The following DAAM1 variants were observed in gnomAD, a reference collection of about 807,000 sequenced individuals.
DAAM1 encodes the protein disheveled-associated activator of morphogenesis 1.
A neutral mutation model predicts 130.0 loss-of-function variants in DAAM1; 52 were observed. The observed-to-expected ratio is 0.40, with a 90% confidence interval of 0.32 to 0.50. The LOEUF (loss-of-function observed/expected upper bound fraction) is 0.50, where lower values mean the gene tolerates loss of function less well. Ranked by LOEUF, DAAM1 falls within the 20% of genes least tolerant of loss-of-function variation. The pLI is 0.61. For missense variants in DAAM1, 1,134 were observed against 1,303.8 expected (o/e 0.87, Z 2.01); for synonymous variants, 452 against 444.5 (o/e 1.02, Z -0.21).
At chr14:59,287,023 G>A (rs7154756) in intron 2 of DAAM1, among the ~76,000 whole-genome samples, 5,226 of 152,214 alleles carry the variant, frequency 0.034, 273 homozygotes, top group African/African-American at 0.12. Context: ...GAAGGTAGAT[G>A]CAAGAATCCT....
intron 18 of DAAM1, among the ~76,000 whole-genome samples, chr14:59,353,249 A>G (rs192916254): frequency 6.6e-5 from 10 of 152,284 alleles, no homozygotes; most frequent in African/African-American, 1.9e-4. Context: ...TAGAAAATTG[A>G]TTCCTCATTA....
intron 4 of DAAM1, among the ~76,000 whole-genome samples, chr14:59,319,476 A>C (rs534558727): frequency 1.3e-5 from 2 of 152,198 alleles, no homozygotes; most frequent in Non-Finnish European, 2.9e-5. Flanking sequence ...ATATGAGTCA[A>C]GCTTTTCTTT....
At chr14:59,233,673 C>T (rs1432731717) in intron 1 of DAAM1, among the ~76,000 whole-genome samples, 1 of 152,156 alleles carries the variant, frequency 6.6e-6, no homozygotes, top group African/African-American at 2.4e-5. Flanking sequence ...GCTTTTGTTG[C>T]AATTGCTTTT....
At chr14:59,292,257 A>G (rs539413402) in intron 3 of DAAM1, among the ~76,000 whole-genome samples, 1 of 152,320 alleles carries the variant, frequency 6.6e-6, no homozygotes, top group East Asian at 1.9e-4. Context: ...CTCTCGACCC[A>G]GGGAAACAGG....
chr14:59,255,384 C>T (rs778873829), intron 1 of DAAM1, among the ~76,000 whole-genome samples: 1 of 152,064 alleles, frequency 6.6e-6, no homozygotes, highest in African/African-American at 2.4e-5. Flanking sequence ...GACTATATCC[C>T]GTGATTTTTT....
intron 1 of DAAM1, among the ~76,000 whole-genome samples, chr14:59,253,744 G>T (rs112637201): frequency 1.1e-3 from 160 of 152,280 alleles, no homozygotes; most frequent in African/African-American, 3.8e-3. Flanking sequence ...GTTTGGGGCT[G>T]TGAGGGCTGG....
chr14:59,325,756 T>C, intron 9 of DAAM1, 26 bp downstream of exon 9: 1 of 1,611,238 alleles, frequency 6.2e-7, no homozygotes, highest in Admixed American at 1.7e-5. Flanking sequence ...ATTATTCTGG[T>C]TTGATTCATC....
intron 2 of DAAM1, among the ~76,000 whole-genome samples, chr14:59,286,717 C>T (rs1342614234): frequency 6.6e-6 from 1 of 152,052 alleles, no homozygotes; most frequent in Non-Finnish European, 1.5e-5. Flanking sequence ...CACAGCCTCC[C>T]AAGTTTGAAC....
At chr14:59,190,577 C>CTTTAGATT (rs1887702490) in intron 1 of DAAM1, among the ~76,000 whole-genome samples, 1 of 152,132 alleles carries the variant, frequency 6.6e-6, no homozygotes, top group South Asian at 2.1e-4. Context: ...TAAAGCCAGG[C>CTTTAGATT]TAGAGGGCGC....
rs763996595 is a variant in DAAM1, at chr14:59,355,328, C to T, written c.2520C>T (p.Ile840=). 2.0e-5 allele frequency: 32 copies of T among 1,613,782 alleles called. No homozygotes were observed. Among genetic ancestry groups the T allele is most frequent in the South Asian group, 4.4e-5 (4 of 91,030 alleles). ...LNKIADTKSS[I]DKNITLLHYL... is the part of the protein sequence containing the mutation. Reference sequence around the variant, plus strand: ...AAATTGCTGACACAAAATCCAGCATCGACAAGTAAGTATGAGATCTTCCAA... The same window carrying T: ...AAATTGCTGACACAAAATCCAGCATTGACAAGTAAGTATGAGATCTTCCAA... The change falls in exon 20 of 25, where the codon ATC becomes ATT. Residue 840 remains isoleucine (I), a synonymous_variant. Transcript: ENST00000360909.
chr14:59,338,514 T>C, intron 15 of DAAM1: 1 of 1,374,380 alleles, frequency 7.3e-7, no homozygotes, highest in Non-Finnish European at 1.0e-6. Flanking sequence ...TGTTTTTGTT[T>C]TTTTACATAG....
intron 1 of DAAM1, among the ~76,000 whole-genome samples, chr14:59,228,384 T>C (rs762172172): frequency 5.3e-5 from 8 of 152,204 alleles, no homozygotes; most frequent in Admixed American, 1.3e-4. Context: ...TGCCCAGTAT[T>C]GTGTCTCCCT....
At chr14:59,311,276 A>G (rs1232915350) in intron 3 of DAAM1, among the ~76,000 whole-genome samples, 1 of 152,214 alleles carries the variant, frequency 6.6e-6, no homozygotes, top group African/African-American at 2.4e-5. Context: ...TATTGACATT[A>G]TGGTGAGTTT....
chr14:59,315,413 C>T, intron 4 of DAAM1, 62 bp downstream of exon 4: 1 of 1,483,408 alleles, frequency 6.7e-7, no homozygotes, highest in South Asian at 1.2e-5. Context: ...ACAAAGTACA[C>T]AGTTGCACAA....
At chr14:59,275,604 A>G (rs970194673) in intron 2 of DAAM1, among the ~76,000 whole-genome samples, 27 of 152,212 alleles carry the variant, frequency 1.8e-4, no homozygotes, top group African/African-American at 5.8e-4. Flanking sequence ...TAAAACTTGA[A>G]GTCACTCTAA....
rs773053010 is a variant in DAAM1, at chr14:59,324,253, C to T, written c.885+15C>T. 2 of 1,405,396 alleles carry T rather than the reference C, an allele frequency of 1.4e-6. No homozygotes were observed. The highest frequency in any genetic ancestry group is 2.0e-5 in the South Asian group (1 of 50,130). 87.1% of individuals were successfully genotyped at this position (1,405,396 alleles called of 1,614,324 possible). A position where few individuals can be genotyped will look rare whatever the true frequency, so the allele number is the denominator to read the frequency against. On this transcript the variant is annotated intron_variant, in intron 7 of 24. Coordinates refer to ENST00000360909, the MANE Select transcript of DAAM1 (RefSeq NM_001270520.2). Reference sequence around the variant, plus strand: ...GTGCAGGAGTGGTAAGAACCTTCTACAAATTAAAAATATATTAGTAAATAA... The same window carrying T: ...GTGCAGGAGTGGTAAGAACCTTCTATAAATTAAAAATATATTAGTAAATAA...
chr14:59,304,683 T>A (rs1884308380), intron 3 of DAAM1, among the ~76,000 whole-genome samples: 1 of 152,228 alleles, frequency 6.6e-6, no homozygotes, highest in Non-Finnish European at 1.5e-5. Context: ...TTCTAACTAG[T>A]GCTTTTGTTT....
intron 2 of DAAM1, among the ~76,000 whole-genome samples, chr14:59,278,171 G>T (rs966000959): frequency 2.0e-5 from 3 of 152,120 alleles, no homozygotes; most frequent in Non-Finnish European, 2.9e-5. Flanking sequence ...GATGTGAAAT[G>T]ATAAAATGCC....
At chr14:59,323,308 A>G (rs1885090929) in intron 6 of DAAM1, 83 bp downstream of exon 6, 4 of 1,383,508 alleles carry the variant, frequency 2.9e-6, no homozygotes, top group Admixed American at 2.6e-5. Context: ...TGAAAGGGGA[A>G]TGTTACTTGA....
Sources: allele counts gnomAD v4.1 joint callset (sites outside exome capture counted in the v4.1 genomes callset), GRCh38; gene constraint gnomAD v4.1.1; transcripts MANE v1.5; gene names NCBI Gene and HGNC (gene_info 2026-07-23, HGNC 2026-07-21).